The following PHACTR1 variants were observed in gnomAD, a reference collection of about 807,000 sequenced individuals.
PHACTR1 encodes RPEL repeat containing 1.
PHACTR1 carries 16 observed loss-of-function variants against 69.2 expected under a neutral mutation model. The ratio of observed to expected loss-of-function variants is 0.23; its 90% CI spans 0.16 to 0.35. The LOEUF (loss-of-function observed/expected upper bound fraction) is 0.35. Among genes scored for constraint, PHACTR1 ranks in the 10% least tolerant of loss-of-function variants. The pLI, the probability that PHACTR1 is intolerant of heterozygous loss-of-function variation, is 1.00. For synonymous variants in PHACTR1, 312 were observed against 284.5 expected, an observed-to-expected ratio of 1.10 and a Z score of -0.97; for missense variants, 510 against 734.7, an observed-to-expected ratio of 0.69 and a Z score of 3.54.
Position 13,039,652 on chromosome 6 carries a change from T to C in PHACTR1, c.251-13713T>C, listed in dbSNP as rs2127709627. Among the ~76,000 whole-genome samples the C allele has an allele frequency of 1.3e-5, 2 of 152,336 alleles. 1 individual carries two copies. The highest frequency in any genetic ancestry group is 4.1e-4 in the South Asian group (2 of 4,830). The stretch of plus-strand genomic sequence containing the variant: ...GTCCTCACAATTCTGACTTGCAACA[T>C]AACAAGGATGCCAGACCAAGGTCCC... On this transcript the variant is annotated intron_variant, in intron 4 of 14. Coordinates refer to ENST00000332995, the MANE Select transcript of PHACTR1 (RefSeq NM_030948.6).
intron 4 of PHACTR1, among the ~76,000 whole-genome samples, chr6:12,902,066 A>G (rs1355452486): frequency 6.6e-6 from 1 of 152,146 alleles, no homozygotes; most frequent in African/African-American, 2.4e-5. Context: ...CTACATGCAC[A>G]GGACATCCCC....
rs190268008 is a variant in PHACTR1 at position 12,778,158 on chromosome 6, A to T, written c.250+28368A>T. Among the ~76,000 whole-genome samples the T allele has an allele frequency of 3.7e-4, 56 of 152,362 alleles. No individual in the cohort carries two copies. In the East Asian group the frequency reaches 0.01, roughly 27 times the overall value. ...TGACTTAATTATTTTTGTTATACAC[A>T]TATGTGACATAACAAACATGTTAAG... On this transcript the variant is annotated intron_variant, in intron 4 of 14. Transcript: ENST00000332995.
intron 10 of PHACTR1, among the ~76,000 whole-genome samples, chr6:13,239,245 T>C (rs1214225298): frequency 6.6e-6 from 1 of 152,138 alleles, no homozygotes; most frequent in Non-Finnish European, 1.5e-5. Context: ...TGAAATTGTG[T>C]GTTGGGAGCA....
At chr6:13,083,410 A>AT (rs1382283697) in intron 5 of PHACTR1, among the ~76,000 whole-genome samples, 6 of 152,108 alleles carry the variant, frequency 3.9e-5, no homozygotes, top group African/African-American at 1.4e-4. Context: ...TTGGCTTAGG[A>AT]TTGACTTGGC....
chr6:12,824,348 A>G (rs1776551762), intron 4 of PHACTR1, among the ~76,000 whole-genome samples: 1 of 152,234 alleles, frequency 6.6e-6, no homozygotes, highest in African/African-American at 2.4e-5. Context: ...TTACAATATA[A>G]CAATATAGAA....
rs188074825 is a variant in PHACTR1 at position 13,237,377 on chromosome 6, T to A, written c.1391+7184T>A. ...GAGCAACAGAATGAGACCCCTCTTT[T>A]AAAAAAAAAATGAGATAGGCAAAAA... is the stretch of plus-strand genomic sequence containing the variant. On this transcript the variant is annotated intron_variant, in intron 10 of 14. Transcript: ENST00000332995. Among the ~76,000 whole-genome samples, 814 of 150,288 alleles carry A rather than the reference T, an allele frequency of 5.4e-3. 12 individuals are homozygous for A. The highest frequency in any genetic ancestry group is 0.019 in the African/African-American group (776 of 41,128).
At chr6:12,733,850 C>A (rs1763889074) in intron 3 of PHACTR1, among the ~76,000 whole-genome samples, 1 of 152,150 alleles carries the variant, frequency 6.6e-6, no homozygotes, top group Non-Finnish European at 1.5e-5. Flanking sequence ...TGAAAATCAG[C>A]CACGTGGAAG....
At chr6:12,825,682 ACCACATTCT>A (rs1235196332) in intron 4 of PHACTR1, among the ~76,000 whole-genome samples, 1 of 152,114 alleles carries the variant, frequency 6.6e-6, no homozygotes, top group Non-Finnish European at 1.5e-5. Flanking sequence ...ATTTGCCTCT[ACCACATTCT>A]CCTATGCAAT....
Position 12,843,315 on chromosome 6 carries a change from T to C in PHACTR1, c.250+93525T>C, listed in dbSNP as rs767114479. Among the ~76,000 whole-genome samples, 44 of 152,180 alleles carry C rather than the reference T, an allele frequency of 2.9e-4. 2 individuals carry two copies. The highest frequency in any genetic ancestry group is 2.1e-3 in the Admixed American group (32 of 15,276). The stretch of plus-strand genomic sequence containing the variant: ...TTTGGTTCACTTTCTTTTCATTGTT[T>C]CCCATTTCAGTGACAATTTTATGAC... On this transcript the variant is annotated intron_variant, in intron 4 of 14. Coordinates refer to ENST00000332995, the MANE Select transcript of PHACTR1 (RefSeq NM_030948.6).
chr6:13,173,546 G>C (rs1385580920), intron 6 of PHACTR1, among the ~76,000 whole-genome samples: 2 of 152,130 alleles, frequency 1.3e-5, no homozygotes, highest in Non-Finnish European at 2.9e-5. Context: ...ATCCATCGAG[G>C]AAATCCTTAG....
intron 4 of PHACTR1, among the ~76,000 whole-genome samples, chr6:12,792,464 CAAAAAAAAAAAAAAAA>C (rs60942588): frequency 0.058 from 1,836 of 31,496 alleles, 57 homozygotes; most frequent in Admixed American, 0.1. Flanking sequence ...AACTCCATGT[CAAAAAAAAAAAAAAAA>C]AAAAAAAAAA....
intron 12 of PHACTR1, chr6:13,281,317 G>A (rs1300054676): frequency 2.8e-6 from 1 of 351,966 alleles, no homozygotes; most frequent in Non-Finnish European, 5.5e-6. Context: ...ACTTTGGGAG[G>A]CTGAGAACGG....
intron 4 of PHACTR1, among the ~76,000 whole-genome samples, chr6:12,815,840 A>G (rs1015828120): frequency 6.6e-6 from 1 of 152,152 alleles, no homozygotes; most frequent in South Asian, 2.1e-4. Flanking sequence ...GAAGGTTTTC[A>G]TGAAAAAAAG....
chr6:13,097,845 G>A (rs937217287), intron 5 of PHACTR1, among the ~76,000 whole-genome samples: 2 of 152,082 alleles, frequency 1.3e-5, no homozygotes, highest in African/African-American at 2.4e-5. Flanking sequence ...GGCCTTAGGA[G>A]CCTAATATAG....
chr6:12,985,159 T>G (rs1229332316), intron 4 of PHACTR1, among the ~76,000 whole-genome samples: 2 of 152,226 alleles, frequency 1.3e-5, no homozygotes, highest in Non-Finnish European at 2.9e-5. Context: ...GTTGATACTT[T>G]AAGATGCACT....
intron 4 of PHACTR1, among the ~76,000 whole-genome samples, chr6:12,972,654 C>CT (rs763016264): frequency 6.7e-4 from 15 of 22,310 alleles, no homozygotes; most frequent in African/African-American, 1.4e-3. Context: ...TTCTTTCTTT[C>CT]TTTTTTTTTT....
intron 4 of PHACTR1, among the ~76,000 whole-genome samples, chr6:12,918,141 A>G (rs979911111): frequency 7.2e-5 from 11 of 152,142 alleles, no homozygotes; most frequent in African/African-American, 2.4e-4. Context: ...TCACCTTTAT[A>G]AGTCATTCCA....
rs764776382 is a variant in PHACTR1 at position 13,205,942 on chromosome 6, G to C, written c.792G>C (p.Gln264His). The C allele has an allele frequency of 3.0e-5, 49 of 1,614,038 alleles. No homozygotes were observed. The highest frequency in any genetic ancestry group is 4.0e-5 in the Non-Finnish European group (47 of 1,179,908). Reference sequence around the variant, plus strand: ...TCTCACTGGTGTCCTACACAGCCCAGAAGAGTGGCCAGCAGGGTGTGGCCC... The same window carrying C: ...TCTCACTGGTGTCCTACACAGCCCACAAGAGTGGCCAGCAGGGTGTGGCCC... ...PDLSLVSYTAQKSGQQGVAQH... is the reference protein window; with the variant it reads ...PDLSLVSYTAHKSGQQGVAQH... Residue 264 changes from glutamine (Q) to histidine (H), a missense_variant, in exon 8 of 15, where the codon CAG becomes CAC. Physicochemically the swap from Gln to His is conservative, Grantham distance 24 (BLOSUM62 0). Transcript: ENST00000332995.
chr6:13,000,641 G>GAA (rs1471881943), intron 4 of PHACTR1, among the ~76,000 whole-genome samples: 28 of 112,004 alleles, frequency 2.5e-4, no homozygotes, highest in African/African-American at 7.5e-4. Context: ...AGGAAGGAAG[G>GAA]GGGGAGGGAG....
Sources: gnomAD v4.1 joint callset for allele counts (sites outside exome capture counted in the v4.1 genomes callset) on GRCh38, gnomAD v4.1.1 for gene constraint, MANE v1.5 for transcripts, NCBI Gene and HGNC (gene_info 2026-07-23, HGNC 2026-07-21) for gene names.